The following ITGAX variants were observed in gnomAD, a reference collection of about 807,000 sequenced individuals.
The protein encoded by ITGAX is integrin alpha-X.
Under a neutral mutation model 140.2 loss-of-function variants are expected in ITGAX, and 99 were observed. That is an observed-to-expected ratio of 0.71 (90% CI 0.60 to 0.83). ITGAX has a LOEUF of 0.83. ITGAX is among the 40% of genes least tolerant of loss of function. ITGAX has a pLI of 0.00. For missense variants in ITGAX, 1,444 were observed against 1,482.0 expected (o/e 0.97, Z 0.42); for synonymous variants, 631 against 600.4 (o/e 1.05, Z -0.75).
chr16:31,381,510 C>T (rs926083950), intron 29 of ITGAX, among the ~76,000 whole-genome samples: 1 of 152,078 alleles, frequency 6.6e-6, no homozygotes, highest in Non-Finnish European at 1.5e-5. Flanking sequence ...GCCTGGCCTA[C>T]CTGGTGAAAC....
intron 23 of ITGAX, among the ~76,000 whole-genome samples, chr16:31,378,833 T>G (rs1309815002): frequency 8.1e-6 from 1 of 123,310 alleles, no homozygotes; most frequent in Non-Finnish European, 1.7e-5. Context: ...TTTTTTTTTT[T>G]GAGACCAAGT....
chr16:31,355,294 G>A lies in ITGAX; in HGVS notation c.37+3G>A. 1 of 1,613,806 alleles carries A rather than the reference G, an allele frequency of 6.2e-7. No homozygotes were observed. Among genetic ancestry groups the A allele is most frequent in the Non-Finnish European group, 8.5e-7 (1 of 1,179,990 alleles). On this transcript the variant is annotated splice_donor_region_variant and intron_variant, in intron 1 of 29. Coordinates refer to ENST00000268296, the MANE Select transcript of ITGAX (RefSeq NM_000887.5). ...GGCAGCACTCCTCCTGTTCACAGGT[G>A]AGCCTGGACCCCAATGAAGTAGGGC...
At position 31,372,667 on chromosome 16, in the gene ITGAX, C is replaced by G; in HGVS notation, c.2363C>G (p.Pro788Arg). Residue 788 changes from proline (P) to arginine (R), a missense_variant, in exon 19 of 30, where the codon CCA (proline) becomes CGA (arginine). Coordinates refer to ENST00000268296, the MANE Select transcript of ITGAX (RefSeq NM_000887.5). ...AATCTCGGCATCTCCTTCAGCTTCCCAGGGTGAGCGCCCCCACCTTAGACC... is the reference window on the plus strand; with the variant it reads ...AATCTCGGCATCTCCTTCAGCTTCCGAGGGTGAGCGCCCCCACCTTAGACC... ...QDNLGISFSF[P>R]GLKSLLVGSN... 1 of 1,613,828 alleles carries G rather than the reference C, an allele frequency of 6.2e-7. No homozygotes were observed. Among genetic ancestry groups the G allele is most frequent in the Non-Finnish European group, 8.5e-7 (1 of 1,179,812 alleles).
chr16:31,382,148 C>A lies in ITGAX; in HGVS notation c.*241C>A. The stretch of plus-strand genomic sequence containing the variant: ...CCCCAAAGGACTTGACTTGCAATTT[C>A]TACCTAGAAATACATGGACAATACC... On this transcript the variant is annotated 3_prime_UTR_variant, in exon 30 of 30. Coordinates refer to ENST00000268296, the MANE Select transcript of ITGAX (RefSeq NM_000887.5). The A allele has an allele frequency of 2.8e-6, 4 of 1,404,842 alleles. No homozygotes were observed. The highest frequency in any genetic ancestry group is 3.7e-6 in the Non-Finnish European group (4 of 1,085,434). 87.0% of individuals were successfully genotyped at this position (1,404,842 alleles called of 1,614,324 possible).
Position 31,357,360 on chromosome 16 carries a change from G to C in ITGAX, c.426G>C (p.Arg142Ser), listed in dbSNP as rs764396019. 1.3e-6 allele frequency: 2 copies of C among 1,596,544 alleles called. No individual in the cohort carries two copies. Among genetic ancestry groups the C allele is most frequent in the East Asian group, 4.6e-5 (2 of 43,830 alleles). ...TQLTQRLPVSRQECPRQEQDI... is the reference protein window; with the variant it reads ...TQLTQRLPVSSQECPRQEQDI... ...TCACCCAGAGGCTCCCGGTGTCCAG[G>C]CAGGGTGAGTGTCGGGACCACCAAG... The change falls in exon 5 of 30, where the codon AGG becomes AGC. Residue 142 changes from arginine to serine, a missense_variant. Physicochemically the swap from Arg to Ser is moderately radical, Grantham distance 110. Transcript: ENST00000268296.
At chr16:31,358,788 C>T (rs1047469448) in intron 5 of ITGAX, among the ~76,000 whole-genome samples, 6 of 149,438 alleles carry the variant, frequency 4.0e-5, no homozygotes, top group African/African-American at 9.8e-5. Flanking sequence ...TGCTTCCTAC[C>T]GTCTGAATTG....
At position 31,379,995 on chromosome 16, in the gene ITGAX, G is replaced by A. The variant is rs762632993; in HGVS notation, c.2990G>A (p.Arg997Gln). 8.9e-5 allele frequency: 144 copies of A among 1,613,910 alleles called. No individual in the cohort carries two copies. Among genetic ancestry groups the A allele is most frequent in the Non-Finnish European group, 1.1e-4 (132 of 1,179,988 alleles). ...ATTTTCCCCCAGAACCCATCCCTTC[G>A]GTGCTCCTCAGAGAAAATCGCACCC... ...EVSHPQNPSL[R>Q]CSSEKIAPPA... Residue 997 changes from arginine (R) to glutamine (Q), a missense_variant, in exon 26 of 30, where the codon CGG becomes CAG. Transcript: ENST00000268296.
chr16:31,368,713 T>C (rs1333629554), intron 14 of ITGAX, among the ~76,000 whole-genome samples: 1 of 151,998 alleles, frequency 6.6e-6, no homozygotes, highest in Non-Finnish European at 1.5e-5. Context: ...GATAAACAAG[T>C]GAACAAAGGT....
At chr16:31,372,278 C>T (rs1438500733) in intron 17 of ITGAX, 100 bp from the exon 18 acceptor site, 8 of 1,421,802 alleles carry the variant, frequency 5.6e-6, no homozygotes, top group East Asian at 2.4e-5. Context: ...GCTGAAGCCG[C>T]GCGGGAGCTG....
In ITGAX at chr16:31,362,259, G is replaced by GTCCA. The variant is rs1309868851; in HGVS notation, c.1216+56_1216+59dup. On this transcript the variant is annotated intron_variant, in intron 11 of 29. Transcript: ENST00000268296. ...TGGGAGATGCACTGCCCAGGGTGGG[G>GTCCA]TCCAGGGTTCTGGGGAAGGGGTATG... 7.9e-4 allele frequency: 1,260 copies of GTCCA among 1,591,526 alleles called. 14 individuals are homozygous for GTCCA. The highest frequency in any genetic ancestry group is 2.0e-3 in the Middle Eastern group (10 of 4,952).
At chr16:31,369,230 C>T (rs933537915) in intron 14 of ITGAX, among the ~76,000 whole-genome samples, 5 of 145,016 alleles carry the variant, frequency 3.4e-5, no homozygotes, top group East Asian at 2.1e-4. Context: ...GCTGGCCGGG[C>T]GGGGGGCTGA....
chr16:31,364,769 T>G (rs1316426520), intron 14 of ITGAX, among the ~76,000 whole-genome samples: 2 of 151,840 alleles, frequency 1.3e-5, no homozygotes, highest in East Asian at 3.9e-4. Context: ...CCCCAGCACT[T>G]TGGGAGGCCG....
intron 28 of ITGAX, 116 bp downstream of exon 28, chr16:31,380,740 C>T: frequency 2.2e-6 from 3 of 1,375,652 alleles, no homozygotes; most frequent in South Asian, 1.2e-5. Flanking sequence ...GGCCTCTGGG[C>T]AGGATAGCTG....
intron 14 of ITGAX, among the ~76,000 whole-genome samples, chr16:31,364,778 C>T (rs555597204): frequency 2.0e-5 from 3 of 151,074 alleles, no homozygotes; most frequent in East Asian, 2.0e-4. Context: ...TTTGGGAGGC[C>T]GAGGCAGGTG....
At position 31,356,734 on chromosome 16, in the gene ITGAX, T is replaced by C. The variant is rs775681224; in HGVS notation, c.247+6T>C. On this transcript the variant is annotated splice_donor_region_variant and intron_variant, in intron 3 of 29. Transcript: ENST00000268296. The stretch of plus-strand genomic sequence containing the variant: ...TGAGCCCATCGGCCTGCAGGGTGAG[T>C]CACCGCCCCTCCCGGGACCCAGGGC... 6.4e-7 allele frequency: 1 copy of C among 1,567,950 alleles called. No individual in the cohort carries two copies. The highest frequency in any genetic ancestry group is 8.7e-7 in the Non-Finnish European group (1 of 1,155,232).
At chr16:31,369,136 C>T (rs559215583) in intron 14 of ITGAX, among the ~76,000 whole-genome samples, 5 of 152,274 alleles carry the variant, frequency 3.3e-5, no homozygotes, top group South Asian at 2.1e-4. Flanking sequence ...ACCTCCCAGA[C>T]GGGGTGGTGG....
chr16:31,375,858 T>C (rs2081015149), intron 20 of ITGAX, among the ~76,000 whole-genome samples: 1 of 152,238 alleles, frequency 6.6e-6, no homozygotes, highest in Non-Finnish European at 1.5e-5. Flanking sequence ...CAACCAAATG[T>C]AATGGGTGGA....
intron 29 of ITGAX, among the ~76,000 whole-genome samples, chr16:31,381,565 G>A (rs766538503): frequency 1.2e-4 from 18 of 152,122 alleles, no homozygotes; most frequent in South Asian, 6.2e-4. Context: ...CATGGTGGAG[G>A]TTGCAGTGAG....
At chr16:31,369,205 C>G (rs1279786808) in intron 14 of ITGAX, among the ~76,000 whole-genome samples, 1 of 151,232 alleles carries the variant, frequency 6.6e-6, no homozygotes, top group Non-Finnish European at 1.5e-5. Flanking sequence ...TGCCCCTCAC[C>G]TCCCGGACGG....
Sources: allele counts gnomAD v4.1 joint callset (sites outside exome capture counted in the v4.1 genomes callset), GRCh38; gene constraint gnomAD v4.1.1; transcripts MANE v1.5; gene names NCBI Gene and HGNC (gene_info 2026-07-23, HGNC 2026-07-21).